Variants in TRIO observed in about 807,000 individuals in gnomAD.
TRIO encodes trio Rho guanine nucleotide exchange factor, also known as triple functional domain protein.
Under a neutral mutation model 351.9 loss-of-function variants are expected in TRIO, and 58 were observed. That is an observed-to-expected ratio of 0.16 (90% CI 0.13 to 0.21). TRIO has a LOEUF of 0.21. Among genes scored for constraint, TRIO ranks in the 10% least tolerant of loss-of-function variants. TRIO has a pLI of 1.00. For missense variants in TRIO, 3,201 were observed against 4,027.8 expected, an observed-to-expected ratio of 0.79 and a Z score of 5.56; for synonymous variants, 1,758 against 1,595.7, an observed-to-expected ratio of 1.10 and a Z score of -2.42.
rs75338052 is a variant in TRIO, at chr5:14,487,995, C to T, written c.7367C>T (p.Pro2456Leu). 5.7e-4 allele frequency: 895 copies of T among 1,566,164 alleles called. 4 individuals are homozygous for T. In the African/African-American group the frequency reaches 0.01, roughly 18 times the overall value. ...AAGCCCCGGGCCGGGGCCGCTTCGC[C>T]GCTGAACTCGCCGCTCTCCAGCGCG... ...LGKPRAGAASPLNSPLSSAVP... is the reference protein window; with the variant it reads ...LGKPRAGAASLLNSPLSSAVP... The change falls in exon 48 of 57, where the codon CCG (proline) becomes CTG (leucine). Residue 2456 changes from proline to leucine, a missense_variant. By Grantham distance (98) the Pro-to-Leu change is moderately conservative. Transcript: ENST00000344204.
intron 55 of TRIO, among the ~76,000 whole-genome samples, chr5:14,506,837 C>A (rs769833064): frequency 6.6e-6 from 1 of 152,158 alleles, no homozygotes. Flanking sequence ...TGCCGGCAGC[C>A]GGGCCACGCC....
intron 1 of TRIO, among the ~76,000 whole-genome samples, chr5:14,149,540 G>A (rs986838947): frequency 5.3e-5 from 8 of 152,146 alleles, no homozygotes; most frequent in African/African-American, 1.7e-4. Flanking sequence ...TTGTATGTGG[G>A]GAAAGAGAGA....
At chr5:14,502,323 C>T (rs981122166) in intron 53 of TRIO, among the ~76,000 whole-genome samples, 2 of 152,218 alleles carry the variant, frequency 1.3e-5, no homozygotes. Flanking sequence ...TAATGAAATA[C>T]ATCCAAAGTA....
intron 6 of TRIO, 116 bp from the exon 7 acceptor site, chr5:14,296,956 A>C: frequency 2.7e-6 from 2 of 734,440 alleles, no homozygotes; most frequent in African/African-American, 1.8e-5. Context: ...TGCTCCTGGG[A>C]GAGATGTGAT....
At chr5:14,322,626 T>C (rs1581616518) in intron 9 of TRIO, among the ~76,000 whole-genome samples, 1 of 152,206 alleles carries the variant, frequency 6.6e-6, no homozygotes, top group South Asian at 2.1e-4. Context: ...AGGTTTAGCA[T>C]CACCTACACT....
chr5:14,199,569 G>T (rs1315746816), intron 1 of TRIO, among the ~76,000 whole-genome samples: 6 of 152,196 alleles, frequency 3.9e-5, no homozygotes, highest in African/African-American at 1.4e-4. Flanking sequence ...CTCTGCTCCT[G>T]GTATCAGTGG....
chr5:14,194,736 T>G (rs1466939811), intron 1 of TRIO, among the ~76,000 whole-genome samples: 1 of 152,246 alleles, frequency 6.6e-6, no homozygotes, highest in Non-Finnish European at 1.5e-5. Context: ...AAGTCTGTAT[T>G]TATTTTTACA....
intron 45 of TRIO, among the ~76,000 whole-genome samples, chr5:14,482,245 C>G (rs1251748068): frequency 6.6e-6 from 1 of 152,046 alleles, no homozygotes; most frequent in Admixed American, 6.6e-5. Flanking sequence ...CTTCTGAAAA[C>G]TCCTGTGCAT....
intron 1 of TRIO, among the ~76,000 whole-genome samples, chr5:14,261,727 C>T (rs769696157): frequency 1.6e-4 from 25 of 152,186 alleles, no homozygotes; most frequent in Non-Finnish European, 2.9e-5. Flanking sequence ...CGACAAGCCT[C>T]CCAGTTCACT....
rs1016005927 is a variant in TRIO at position 14,497,426 on chromosome 5, A to G, written c.8019+409A>G. Among the ~76,000 whole-genome samples, 1 of 152,142 alleles carries G rather than the reference A, an allele frequency of 6.6e-6. No individual in the cohort carries two copies. The highest frequency in any genetic ancestry group is 6.5e-5 in the Admixed American group (1 of 15,278). On this transcript the variant is annotated intron_variant, in intron 50 of 56. Transcript: ENST00000344204. The surrounding 1 kb of genome is among the most constrained non-coding windows in gnomAD (Gnocchi z 4.4). ...CATATGGGCTCTCTGGCTGTGACAG[A>G]TCCCCTTGGGGACAACTTCAGTCAG...
At chr5:14,289,183 C>G (rs964986018) in intron 4 of TRIO, among the ~76,000 whole-genome samples, 4 of 151,716 alleles carry the variant, frequency 2.6e-5, no homozygotes, top group South Asian at 4.2e-4. Context: ...GTCAGGAGTT[C>G]GAGACAACCT....
intron 34 of TRIO, among the ~76,000 whole-genome samples, chr5:14,456,511 T>A (rs1753324007): frequency 6.6e-6 from 1 of 152,188 alleles, no homozygotes; most frequent in Admixed American, 6.5e-5. Context: ...CCATCCACAA[T>A]CAAATCCTGA....
At chr5:14,256,607 T>C (rs979404044) in intron 1 of TRIO, among the ~76,000 whole-genome samples, 1 of 152,194 alleles carries the variant, frequency 6.6e-6, no homozygotes, top group African/African-American at 2.4e-5. Flanking sequence ...CTGGGGACTA[T>C]TTTGCTGAGA....
Position 14,326,172 on chromosome 5 carries a change from C to G in TRIO, c.1732-4606C>G, listed in dbSNP as rs377585332. Reference sequence around the variant, plus strand: ...TAGGGATCGCCCTACCCCTGGCTCACTGTGAGGATGGATGGCTCACTGCAC... The same window carrying G: ...TAGGGATCGCCCTACCCCTGGCTCAGTGTGAGGATGGATGGCTCACTGCAC... On this transcript the variant is annotated intron_variant, in intron 9 of 56. Coordinates refer to ENST00000344204, the MANE Select transcript of TRIO (RefSeq NM_007118.4). 3.7e-4 allele frequency among the ~76,000 whole-genome samples: 57 copies of G among 152,298 alleles called. 1 individual carries two copies. The South Asian group carries it at 0.011, about 30-fold the overall frequency.
chr5:14,425,042 C>T (rs149072819), intron 34 of TRIO, among the ~76,000 whole-genome samples: 1,836 of 152,296 alleles, frequency 0.012, 44 homozygotes, highest in African/African-American at 0.042. Flanking sequence ...CACTGCCCAC[C>T]ACAGTTTTTA....
chr5:14,447,089 G>A (rs763512723), intron 34 of TRIO, among the ~76,000 whole-genome samples: 3 of 152,246 alleles, frequency 2.0e-5, no homozygotes, highest in Non-Finnish European at 2.9e-5. Flanking sequence ...AATATTAGTC[G>A]GGTGTGGTGG....
rs754143833 is a variant in TRIO, at chr5:14,366,925, A to G, written c.2820A>G (p.Leu940=). 3.7e-6 allele frequency: 6 copies of G among 1,614,188 alleles called. No individual in the cohort carries two copies. In the South Asian group the frequency reaches 6.6e-5, roughly 18 times the overall value. Residue 940 remains leucine, a synonymous_variant, in exon 16 of 57, where the codon TTA becomes TTG. Coordinates refer to ENST00000344204, the MANE Select transcript of TRIO (RefSeq NM_007118.4). ...CCGGACTTATCACAGCCAGCTCGTT[A>G]CAAGAGGCAGAGCAGCTCCAGCGAG... ...LNAGLITASS[L]QEAEQLQREH...
At chr5:14,338,337 C>T (rs1741618642) in intron 11 of TRIO, among the ~76,000 whole-genome samples, 1 of 152,218 alleles carries the variant, frequency 6.6e-6, no homozygotes, top group Non-Finnish European at 1.5e-5. Flanking sequence ...TGCAGCCTGT[C>T]TTGTGCTGTG....
chr5:14,339,939 T>C (rs184024651), intron 11 of TRIO, among the ~76,000 whole-genome samples: 1 of 152,346 alleles, frequency 6.6e-6, no homozygotes, highest in African/African-American at 2.4e-5. Context: ...TAGATGGGCC[T>C]AGAAGAGGAA....
Sources: allele counts gnomAD v4.1 joint callset (sites outside exome capture counted in the v4.1 genomes callset), GRCh38; gene constraint gnomAD v4.1.1; non-coding constraint Gnocchi (gnomAD v3.1); transcripts MANE v1.5; gene names NCBI Gene and HGNC (gene_info 2026-07-23, HGNC 2026-07-21).